GIP: variants seen among roughly 807,000 people sequenced by gnomAD.
GIP encodes the protein gastric inhibitory polypeptide, also known as glucose-dependent insulinotropic polypeptide.
Under a neutral mutation model 18.1 loss-of-function variants are expected in GIP, and 16 were observed. The ratio of observed to expected loss-of-function variants is 0.88; its 90% CI spans 0.60 to 1.34. The LOEUF (loss-of-function observed/expected upper bound fraction) is 1.34. Among genes scored for constraint, GIP ranks in the 40% most tolerant of loss-of-function variants. GIP has a pLI of 0.00. For missense variants in GIP, 192 were observed against 183.4 expected (o/e 1.05, Z -0.27); for synonymous variants, 76 against 74.0 (o/e 1.03, Z -0.14).
Position 48,960,987 on chromosome 17 carries a change from G to C in GIP, c.351C>G (p.Ser117Arg). 1 of 1,599,644 alleles carries C rather than the reference G, an allele frequency of 6.3e-7. No individual in the cohort carries two copies. Among genetic ancestry groups the C allele is most frequent in the Non-Finnish European group, 8.5e-7 (1 of 1,171,840 alleles). ...RKEEEAVEPQ[S>R]SPAKNPSDED... Reference sequence around the variant, plus strand: ...CATCGCTGGGGTTCTTGGCTGGGGAGCTGCAAGGGAACAGTCTCTGGCTAA... The same window carrying C: ...CATCGCTGGGGTTCTTGGCTGGGGACCTGCAAGGGAACAGTCTCTGGCTAA... Residue 117 changes from serine to arginine, a missense_variant and splice_region_variant, in exon 5 of 6, where the codon AGC becomes AGG. Coordinates refer to ENST00000357424, the MANE Select transcript of GIP (RefSeq NM_004123.3).
chr17:48,961,840 G>A (rs966986361), intron 3 of GIP, 21 bp from the exon 4 acceptor site: 8 of 1,565,512 alleles, frequency 5.1e-6, no homozygotes, highest in Admixed American at 1.7e-5. Flanking sequence ...AAAGATTAGA[G>A]AGTGGGCAAG....
At chr17:48,962,924 G>A (rs1052391845) in intron 3 of GIP, among the ~76,000 whole-genome samples, 10 of 151,146 alleles carry the variant, frequency 6.6e-5, no homozygotes, top group Admixed American at 6.6e-4. Flanking sequence ...CCAACACGGT[G>A]AAGCCCCGTC....
At chr17:48,964,593 A>G (rs1200233705) in intron 2 of GIP, 113 bp from the exon 3 acceptor site, 3 of 866,502 alleles carry the variant, frequency 3.5e-6, no homozygotes, top group African/African-American at 1.7e-5. Flanking sequence ...GTCCGTTTTT[A>G]TGGAGACTCC....
In GIP at chr17:48,962,673, A is replaced by G. The variant is rs559167757; in HGVS notation, c.258-854T>C. On this transcript the variant is annotated intron_variant, in intron 3 of 5. Coordinates refer to ENST00000357424, the MANE Select transcript of GIP (RefSeq NM_004123.3). ...TGAGCTACTGGGCCTGGCCCTAGCC[A>G]ATCCTGTTTTCAAAGTCTAAAGTGG... is the stretch of plus-strand genomic sequence containing the variant. Among the ~76,000 whole-genome samples the G allele has an allele frequency of 7.4e-4, 113 of 152,128 alleles. 4 individuals are homozygous for G. The South Asian group carries it at 0.023, about 31-fold the overall frequency.
chr17:48,959,542 G>C (rs11079846), intron 5 of GIP, among the ~76,000 whole-genome samples: 121,418 of 152,076 alleles, frequency 0.8, 51,252 homozygotes, highest in East Asian at 0.95. Flanking sequence ...GTGGACAGGT[G>C]TCTTCATAAT....
chr17:48,962,046 G>A (rs2041203422), intron 3 of GIP, among the ~76,000 whole-genome samples: 1 of 152,188 alleles, frequency 6.6e-6, no homozygotes, highest in Admixed American at 6.5e-5. Context: ...AGAAGGACGA[G>A]GACAGTTAAT....
intron 2 of GIP, among the ~76,000 whole-genome samples, chr17:48,965,255 C>G (rs1414539830): frequency 1.4e-5 from 2 of 143,816 alleles, no homozygotes; most frequent in African/African-American, 5.2e-5. Context: ...GAGCTGAAAT[C>G]GTGCCATTGC....
Position 48,958,565 on chromosome 17 carries a change from T to C in GIP, c.*142A>G. On this transcript the variant is annotated 3_prime_UTR_variant, in exon 6 of 6. Transcript: ENST00000357424. ...ACAAACATGCCCTGTTAGTGCTCAGTAGTCATTTTAATAAATTTTCACAAT... is the reference window on the plus strand; with the variant it reads ...ACAAACATGCCCTGTTAGTGCTCAGCAGTCATTTTAATAAATTTTCACAAT... The C allele has an allele frequency of 1.5e-6, 1 of 677,206 alleles. No individual in the cohort carries two copies. The highest frequency in any genetic ancestry group is 2.3e-5 in the Admixed American group (1 of 43,472). The allele number at this position is 677,206 out of a possible 1,614,324, so 41.9% of individuals were successfully genotyped here.
chr17:48,964,444 C>T lies in GIP; in HGVS notation c.123G>A (p.Lys41=). The T allele has an allele frequency of 3.1e-6, 5 of 1,614,076 alleles. No homozygotes were observed. Among genetic ancestry groups the T allele is most frequent in the South Asian group, 1.1e-5 (1 of 91,074 alleles). ...LPSLPVGSHA[K]VSSPQPRGPR... is the part of the protein sequence containing the mutation. ...GGCCTCGAGGTTGAGGGCTGCTCAC[C>T]TTAGCATGAGATCCAACAGGCAGGG... The change falls in exon 3 of 6, where the codon AAG becomes AAA. Residue 41 remains lysine (K), a synonymous_variant. Transcript: ENST00000357424.
rs765412038 is a variant in GIP at position 48,958,671 on chromosome 17, G to A, written c.*36C>T. The A allele has an allele frequency of 6.4e-7, 1 of 1,557,242 alleles. No homozygotes were observed. Among genetic ancestry groups the A allele is most frequent in the Non-Finnish European group, 8.7e-7 (1 of 1,144,466 alleles). ...GGGGCTGAGGCAGGTGCTAAGTGAA[G>A]GGCAGAATCCAGTCCTGAGCTGGGT... On this transcript the variant is annotated 3_prime_UTR_variant, in exon 6 of 6. Coordinates refer to ENST00000357424, the MANE Select transcript of GIP (RefSeq NM_004123.3).
intron 2 of GIP, among the ~76,000 whole-genome samples, chr17:48,965,246 A>G (rs1231826303): frequency 6.8e-6 from 1 of 147,792 alleles, no homozygotes; most frequent in Non-Finnish European, 1.5e-5. Context: ...GGTTGCAGTG[A>G]GCTGAAATCG....
chr17:48,966,269 AAAG>A (rs1163437215), intron 2 of GIP, among the ~76,000 whole-genome samples: 30 of 150,138 alleles, frequency 2.0e-4, no homozygotes, highest in African/African-American at 7.4e-4. Flanking sequence ...AAAAAAAAAA[AAAG>A]GGCCAGGCAC....
rs144434433 is a variant in GIP, at chr17:48,964,411, G to A, written c.156C>T (p.Tyr52=). The part of the protein sequence containing the change: ...VSSPQPRGPR[Y]AEGTFISDYS... The stretch of plus-strand genomic sequence containing the variant: ...AGTCACTGATGAAAGTCCCTTCCGC[G>A]TACCTGGGGCCTCGAGGTTGAGGGC... Residue 52 remains tyrosine (Y), a synonymous_variant, in exon 3 of 6, where the codon TAC becomes TAT. Transcript: ENST00000357424. 71 of 1,613,802 alleles carry A rather than the reference G, an allele frequency of 4.4e-5. No individual in the cohort carries two copies. In the Middle Eastern group the frequency reaches 4.9e-4, roughly 11 times the overall value.
intron 4 of GIP, 41 bp from the exon 5 acceptor site, chr17:48,961,028 C>G: frequency 6.9e-7 from 1 of 1,444,870 alleles, no homozygotes; most frequent in South Asian, 1.3e-5. Flanking sequence ...TTAGCCTGAG[C>G]TTCGCCCAGA....
At chr17:48,967,522 G>C (rs2041241763) in intron 1 of GIP, among the ~76,000 whole-genome samples, 1 of 151,658 alleles carries the variant, frequency 6.6e-6, no homozygotes, top group African/African-American at 2.4e-5. Context: ...ACCACTCCCG[G>C]CTAATTTTTG....
chr17:48,967,365 T>C (rs1323531528), intron 1 of GIP, 112 bp from the exon 2 acceptor site: 24 of 348,204 alleles, frequency 6.9e-5, no homozygotes, highest in South Asian at 8.8e-5. Context: ...TTTTCTTTTT[T>C]TTTTTTTTTT....
In GIP at chr17:48,964,435, G is replaced by T; in HGVS notation, c.132C>A (p.Ser44Arg). 1 of 1,614,094 alleles carries T rather than the reference G, an allele frequency of 6.2e-7. No homozygotes were observed. Among genetic ancestry groups the T allele is most frequent in the Non-Finnish European group, 8.5e-7 (1 of 1,179,972 alleles). Residue 44 changes from serine to arginine, a missense_variant, in exon 3 of 6, where the codon AGC becomes AGA. Coordinates refer to ENST00000357424, the MANE Select transcript of GIP (RefSeq NM_004123.3). ...LPVGSHAKVS[S>R]PQPRGPRYAE... ...CGTACCTGGGGCCTCGAGGTTGAGG[G>T]CTGCTCACCTTAGCATGAGATCCAA...
At chr17:48,966,084 C>T (rs2041234484) in intron 2 of GIP, among the ~76,000 whole-genome samples, 1 of 151,820 alleles carries the variant, frequency 6.6e-6, no homozygotes, top group South Asian at 2.1e-4. Flanking sequence ...ATGGTGAAAC[C>T]CCATCTCTAC....
At chr17:48,961,913 G>T in intron 3 of GIP, 94 bp from the exon 4 acceptor site, 1 of 879,378 alleles carries the variant, frequency 1.1e-6, no homozygotes, top group East Asian at 2.6e-5. Flanking sequence ...AAAGCAGAGG[G>T]TACCTTTTTC....
Sources: gnomAD v4.1 joint callset for allele counts (sites outside exome capture counted in the v4.1 genomes callset) on GRCh38, gnomAD v4.1.1 for gene constraint, MANE v1.5 for transcripts, NCBI Gene and HGNC (gene_info 2026-07-23, HGNC 2026-07-21) for gene names.